GALNT7: variants seen among roughly 807,000 people sequenced by gnomAD.
The protein encoded by GALNT7 is N-acetylgalactosaminyltransferase 7.
In GALNT7, 60 loss-of-function variants were observed where a neutral mutation model predicts 82.1. That is an observed-to-expected ratio of 0.73 (90% CI 0.59 to 0.91). GALNT7 has a LOEUF of 0.91. GALNT7 is among the 40% of genes least tolerant of loss of function. The pLI is 0.00. For synonymous variants in GALNT7, 243 were observed against 275.1 expected, an observed-to-expected ratio of 0.88 and a Z score of 1.15; for missense variants, 660 against 804.2, an observed-to-expected ratio of 0.82 and a Z score of 2.17.
intron 1 of GALNT7, among the ~76,000 whole-genome samples, chr4:173,245,493 A>G (rs1389656981): frequency 6.6e-6 from 1 of 152,140 alleles, no homozygotes; most frequent in Non-Finnish European, 1.5e-5. Flanking sequence ...AGCTGTTCCA[A>G]CTACTCTTCT....
chr4:173,245,778 C>A (rs2126734529), intron 1 of GALNT7, among the ~76,000 whole-genome samples: 1 of 152,344 alleles, frequency 6.6e-6, no homozygotes, highest in African/African-American at 2.4e-5. Flanking sequence ...CCTTACCTCT[C>A]TCTTACAGTC....
At chr4:173,185,484 A>G (rs1732437511) in intron 1 of GALNT7, among the ~76,000 whole-genome samples, 1 of 151,974 alleles carries the variant, frequency 6.6e-6, no homozygotes, top group Non-Finnish European at 1.5e-5. Flanking sequence ...TTTAATTACT[A>G]TCATACTTGA....
intron 1 of GALNT7, among the ~76,000 whole-genome samples, chr4:173,240,754 A>G (rs1337835950): frequency 6.6e-6 from 1 of 152,130 alleles, no homozygotes. Context: ...TTTTTTATAT[A>G]CTAAATTGAA....
At chr4:173,314,964 T>C (rs1463421655) in intron 9 of GALNT7, among the ~76,000 whole-genome samples, 2 of 152,168 alleles carry the variant, frequency 1.3e-5, no homozygotes, top group Non-Finnish European at 2.9e-5. Flanking sequence ...GTCGTTTTTC[T>C]CAGGGAACTG....
At chr4:173,291,789 G>C (rs1424806168) in intron 2 of GALNT7, among the ~76,000 whole-genome samples, 1 of 143,792 alleles carries the variant, frequency 7.0e-6, no homozygotes, top group Admixed American at 6.9e-5. Context: ...TAAGGTCCAG[G>C]TCATGAAAAA....
At chr4:173,282,652 A>G (rs1472208665) in intron 2 of GALNT7, among the ~76,000 whole-genome samples, 1 of 152,200 alleles carries the variant, frequency 6.6e-6, no homozygotes, top group East Asian at 1.9e-4. Flanking sequence ...AAGGGTCCTC[A>G]GAAAAAAGGT....
intron 1 of GALNT7, among the ~76,000 whole-genome samples, chr4:173,211,812 T>TA (rs1397026827): frequency 8.5e-5 from 13 of 152,232 alleles, no homozygotes; most frequent in East Asian, 7.7e-4. Context: ...AAACTGCTTT[T>TA]AAAAATCTAT....
intron 1 of GALNT7, among the ~76,000 whole-genome samples, chr4:173,237,879 G>A (rs1019682319): frequency 6.6e-6 from 1 of 152,100 alleles, no homozygotes; most frequent in Non-Finnish European, 1.5e-5. Context: ...AGGTACTAAA[G>A]TAGGGTTGAT....
chr4:173,300,397 TCA>T (rs2126844474), intron 6 of GALNT7, among the ~76,000 whole-genome samples: 1 of 152,160 alleles, frequency 6.6e-6, no homozygotes, highest in East Asian at 1.9e-4. Context: ...TGAAGAAAAA[TCA>T]CAGAGTACAT....
At chr4:173,309,493 C>T (rs1332801922) in intron 8 of GALNT7, among the ~76,000 whole-genome samples, 1 of 152,166 alleles carries the variant, frequency 6.6e-6, no homozygotes, top group Non-Finnish European at 1.5e-5. Context: ...ATGAAACAAA[C>T]CAAGGAAGCT....
At chr4:173,279,295 C>G (rs927643723) in intron 2 of GALNT7, among the ~76,000 whole-genome samples, 115 of 152,014 alleles carry the variant, frequency 7.6e-4, no homozygotes, top group African/African-American at 2.7e-3. Context: ...GGAGGGTAAG[C>G]TACACATTTT....
Position 173,292,080 on chromosome 4 carries a change from T to C in GALNT7, c.588-28T>C. 1 of 1,535,272 alleles carries C rather than the reference T, an allele frequency of 6.5e-7. No homozygotes were observed. The highest frequency in any genetic ancestry group is 1.1e-5 in the South Asian group (1 of 87,168). ...CCAAGCAGTATAGATTACCTGTAAA[T>C]AAATATGATGAAATTTTCTCTTTAC... On this transcript the variant is annotated intron_variant, in intron 2 of 11. Transcript: ENST00000265000. This position sits in a 1 kb window ranked among gnomAD's most constrained non-coding sequence, Gnocchi z 4.8.
chr4:173,183,382 G>T (rs1421698943), intron 1 of GALNT7, among the ~76,000 whole-genome samples: 3 of 151,586 alleles, frequency 2.0e-5, no homozygotes, highest in African/African-American at 7.3e-5. Flanking sequence ...ATCAGTGATT[G>T]AGCAGGAATG....
chr4:173,203,084 A>G (rs28557221), intron 1 of GALNT7, among the ~76,000 whole-genome samples: 1 of 149,694 alleles, frequency 6.7e-6, no homozygotes, highest in Non-Finnish European at 1.5e-5. Flanking sequence ...TCTGTTATGG[A>G]CAGCAATAGT....
At chr4:173,194,790 T>C (rs1184357163) in intron 1 of GALNT7, among the ~76,000 whole-genome samples, 1 of 152,028 alleles carries the variant, frequency 6.6e-6, no homozygotes, top group Non-Finnish European at 1.5e-5. Flanking sequence ...CCCTCCCCGC[T>C]TCCCCCACCC....
chr4:173,265,558 G>C (rs1208010656), intron 2 of GALNT7, among the ~76,000 whole-genome samples: 1 of 151,146 alleles, frequency 6.6e-6, no homozygotes, highest in Non-Finnish European at 1.5e-5. Context: ...CATGCTAGCT[G>C]TTTTACTAGC....
intron 1 of GALNT7, among the ~76,000 whole-genome samples, chr4:173,188,196 T>A (rs576373543): frequency 6.6e-6 from 1 of 152,348 alleles, no homozygotes; most frequent in African/African-American, 2.4e-5. Context: ...TCTGACATTT[T>A]ACAGTTGAGG....
intron 1 of GALNT7, among the ~76,000 whole-genome samples, chr4:173,226,619 C>T (rs574897943): frequency 8.3e-4 from 126 of 152,362 alleles, no homozygotes; most frequent in African/African-American, 2.9e-3. Context: ...TACTCACTCT[C>T]AGCTTGCTGG....
intron 1 of GALNT7, among the ~76,000 whole-genome samples, chr4:173,193,802 T>G (rs1364606591): frequency 6.6e-6 from 1 of 152,184 alleles, no homozygotes; most frequent in Admixed American, 6.5e-5. Flanking sequence ...TAATATCCTT[T>G]CTAAAGAATA....
Sources: allele counts gnomAD v4.1 joint callset (sites outside exome capture counted in the v4.1 genomes callset), GRCh38; gene constraint gnomAD v4.1.1; non-coding constraint Gnocchi (gnomAD v3.1); transcripts MANE v1.5; gene names NCBI Gene and HGNC (gene_info 2026-07-23, HGNC 2026-07-21).